Variants in LINGO2 observed in about 807,000 individuals in gnomAD.
LINGO2 encodes the protein leucine rich repeat and Ig domain containing 2.
Under a neutral mutation model 30.6 loss-of-function variants are expected in LINGO2, and 14 were observed. The observed-to-expected ratio is 0.46, with a 90% CI of 0.30 to 0.72. LINGO2 has a LOEUF of 0.72. Among genes scored for constraint, LINGO2 ranks in the 30% least tolerant of loss-of-function variants. The probability of loss-of-function intolerance (pLI) is 0.07; values close to 1 mark genes in which losing one functional copy is unlikely to be tolerated. For synonymous variants in LINGO2, 317 were observed against 288.5 expected, an observed-to-expected ratio of 1.10 and a Z score of -1.00; for missense variants, 729 against 751.7, an observed-to-expected ratio of 0.97 and a Z score of 0.35.
the LINGO2 span, among the ~76,000 whole-genome samples, chr9:29,176,589 T>C: frequency 6.6e-6 from 1 of 152,348 alleles, no homozygotes; most frequent in Admixed American, 6.5e-5. Context: ...GTGTCTCTCC[T>C]TATAGTTGTG....
chr9:28,999,706 G>A, the LINGO2 span, among the ~76,000 whole-genome samples: 3 of 151,942 alleles, frequency 2.0e-5, no homozygotes, highest in East Asian at 5.8e-4. Context: ...AGGTTAGAGT[G>A]TCCATGGTTA....
chr9:28,588,155 A>G (rs908914452), intron 1 of LINGO2, among the ~76,000 whole-genome samples: 2 of 152,066 alleles, frequency 1.3e-5, no homozygotes, highest in African/African-American at 2.4e-5. Flanking sequence ...AACTAAGGAC[A>G]TAGTTCAGTA....
chr9:28,047,425 T>C (rs936061405), intron 4 of LINGO2, among the ~76,000 whole-genome samples: 5 of 141,322 alleles, frequency 3.5e-5, no homozygotes, highest in Admixed American at 7.3e-5. Flanking sequence ...CCACTTCTTT[T>C]CCAGTTGAAA....
At chr9:28,986,050 A>G in the LINGO2 span, among the ~76,000 whole-genome samples, 1 of 151,976 alleles carries the variant, frequency 6.6e-6, no homozygotes, top group African/African-American at 2.4e-5. Flanking sequence ...TTGTGAGATG[A>G]GTCCACTTTC....
At chr9:28,667,280 AT>A (rs1317947452) in intron 1 of LINGO2, among the ~76,000 whole-genome samples, 1 of 152,162 alleles carries the variant, frequency 6.6e-6, no homozygotes, top group Non-Finnish European at 1.5e-5. Flanking sequence ...CCTTTCTCAT[AT>A]TGGGTCACAT....
the LINGO2 span, among the ~76,000 whole-genome samples, chr9:28,931,699 TG>T: frequency 6.6e-6 from 1 of 152,188 alleles, no homozygotes; most frequent in African/African-American, 2.4e-5. Context: ...AACATAGGAT[TG>T]GAATATAACT....
chr9:28,792,258 G>A, the LINGO2 span, among the ~76,000 whole-genome samples: 3 of 151,948 alleles, frequency 2.0e-5, no homozygotes, highest in South Asian at 6.2e-4. Context: ...GAAGGTGAAA[G>A]ATCTTCACCT....
At chr9:28,678,344 T>C in the LINGO2 span, among the ~76,000 whole-genome samples, 26 of 152,016 alleles carry the variant, frequency 1.7e-4, no homozygotes, top group Admixed American at 1.3e-3. Flanking sequence ...TTCCATTCCT[T>C]GCTTAGTCAT....
intron 4 of LINGO2, among the ~76,000 whole-genome samples, chr9:28,027,633 C>A (rs879728963): frequency 3.3e-5 from 5 of 151,752 alleles, no homozygotes; most frequent in Non-Finnish European, 7.4e-5. Context: ...AGTTACTCAA[C>A]CTTTCTGTGT....
At chr9:28,877,518 C>T in the LINGO2 span, among the ~76,000 whole-genome samples, 1 of 152,226 alleles carries the variant, frequency 6.6e-6, no homozygotes, top group Non-Finnish European at 1.5e-5. Flanking sequence ...AATCCTTTCC[C>T]CATTGCTTGT....
intron 2 of LINGO2, among the ~76,000 whole-genome samples, chr9:28,380,619 C>T (rs1821316285): frequency 6.6e-6 from 1 of 151,864 alleles, no homozygotes; most frequent in Admixed American, 6.6e-5. Flanking sequence ...TGAGAAACAC[C>T]ATATCGTGGA....
chr9:28,855,490 C>T, the LINGO2 span, among the ~76,000 whole-genome samples: 2 of 151,968 alleles, frequency 1.3e-5, no homozygotes, highest in Non-Finnish European at 1.5e-5. Flanking sequence ...CCTTAAGCTG[C>T]ATGAATGTTT....
intron 4 of LINGO2, among the ~76,000 whole-genome samples, chr9:28,085,833 T>A (rs1825896948): frequency 6.6e-6 from 1 of 152,072 alleles, no homozygotes; most frequent in Admixed American, 6.6e-5. Context: ...AAAGGGACGC[T>A]GGTGAGGTAT....
chr9:28,284,596 G>A lies in LINGO2; in HGVS notation c.-87+10612C>T, dbSNP rs1823440623. On this transcript the variant is annotated intron_variant, in intron 4 of 5. Coordinates refer to ENST00000379992, the Ensembl canonical transcript of LINGO2. ...TAATAAAATACATGTAATAAAAAAAGGTTAAAGGCATAATTATAGATACGG... is the reference window on the plus strand; with the variant it reads ...TAATAAAATACATGTAATAAAAAAAAGTTAAAGGCATAATTATAGATACGG... 2.6e-5 allele frequency among the ~76,000 whole-genome samples: 4 copies of A among 152,102 alleles called. No homozygotes were observed. The South Asian group carries it at 8.3e-4, about 32-fold the overall frequency.
intron 2 of LINGO2, among the ~76,000 whole-genome samples, chr9:28,419,758 G>T (rs1823112190): frequency 6.6e-6 from 1 of 151,844 alleles, no homozygotes; most frequent in Non-Finnish European, 1.5e-5. Context: ...ATCTAAATTT[G>T]CAACATTGCC....
chr9:28,357,949 C>G (rs988811758), intron 3 of LINGO2, among the ~76,000 whole-genome samples: 1 of 151,884 alleles, frequency 6.6e-6, no homozygotes, highest in Non-Finnish European at 1.5e-5. Flanking sequence ...GTACACATTC[C>G]TGGGATAGAA....
chr9:28,895,992 A>G, the LINGO2 span, among the ~76,000 whole-genome samples: 3 of 152,126 alleles, frequency 2.0e-5, no homozygotes, highest in African/African-American at 7.2e-5. Flanking sequence ...AGCACTACCA[A>G]AATCACAGTA....
At chr9:28,162,874 G>A (rs567726719) in intron 4 of LINGO2, among the ~76,000 whole-genome samples, 1 of 152,104 alleles carries the variant, frequency 6.6e-6, no homozygotes, top group South Asian at 2.1e-4. Context: ...GTAGAGATAT[G>A]TAGGGTAAGA....
chr9:28,231,083 T>C (rs1347706061), intron 4 of LINGO2, among the ~76,000 whole-genome samples: 2 of 151,876 alleles, frequency 1.3e-5, no homozygotes, highest in Non-Finnish European at 2.9e-5. Context: ...CCTCAATATG[T>C]AGTTGGAAAA....
Sources: gnomAD v4.1 joint callset for allele counts (sites outside exome capture counted in the v4.1 genomes callset) on GRCh38, gnomAD v4.1.1 for gene constraint, MANE v1.5 for transcripts, NCBI Gene and HGNC (gene_info 2026-07-23, HGNC 2026-07-21) for gene names.